Variants in KCNIP4 observed in about 807,000 individuals in gnomAD.
KCNIP4 encodes potassium voltage-gated channel interacting protein 4.
A neutral mutation model predicts 34.0 loss-of-function variants in KCNIP4; 12 were observed. The observed-to-expected ratio is 0.35, with a 90% CI of 0.23 to 0.57. KCNIP4 has a LOEUF of 0.57. Ranked by LOEUF, KCNIP4 falls within the 20% of genes least tolerant of loss-of-function variation. The pLI is 0.83. For synonymous variants in KCNIP4, 124 were observed against 102.2 expected, an observed-to-expected ratio of 1.21 and a Z score of -1.29; for missense variants, 238 against 311.7, an observed-to-expected ratio of 0.76 and a Z score of 1.78.
intron 1 of KCNIP4, among the ~76,000 whole-genome samples, chr4:21,858,897 T>G (rs895633158): frequency 1.3e-5 from 2 of 152,216 alleles, no homozygotes; most frequent in African/African-American, 4.8e-5. Flanking sequence ...AGAGTATTAA[T>G]TGTTTATAGT....
intron 1 of KCNIP4, among the ~76,000 whole-genome samples, chr4:20,901,507 T>C (rs1727150878): frequency 6.6e-6 from 1 of 152,178 alleles, no homozygotes; most frequent in Admixed American, 6.5e-5. Flanking sequence ...ATATTAGTCA[T>C]CTGGAATGCC....
chr4:21,066,615 A>C (rs1744413866), intron 1 of KCNIP4, among the ~76,000 whole-genome samples: 1 of 151,988 alleles, frequency 6.6e-6, no homozygotes, highest in South Asian at 2.1e-4. Context: ...GAGACTTAGC[A>C]TTGGAACTCA....
intron 1 of KCNIP4, among the ~76,000 whole-genome samples, chr4:21,687,394 G>A (rs1271929835): frequency 6.6e-6 from 1 of 151,982 alleles, no homozygotes; most frequent in Non-Finnish European, 1.5e-5. Flanking sequence ...AAATAGGCAG[G>A]AGATGGTGTA....
intron 1 of KCNIP4, among the ~76,000 whole-genome samples, chr4:21,340,301 C>T (rs1322452027): frequency 6.6e-6 from 1 of 152,102 alleles, no homozygotes; most frequent in African/African-American, 2.4e-5. Context: ...TGAATTCCTA[C>T]TCAATGAAAA....
chr4:21,511,348 A>AAG (rs34570282), intron 1 of KCNIP4, among the ~76,000 whole-genome samples: 131,878 of 151,992 alleles, frequency 0.87, 57,376 homozygotes, highest in East Asian at 0.99. Flanking sequence ...TCTTTAAAGC[A>AAG]ATTTTATTTA....
rs1450376539 is a variant in KCNIP4, at chr4:21,436,619, T to C, written c.61+511952A>G. ...CTGTGAACTGAATTCAAAGACTGTC[T>C]CTGCACTTTCTGTCTGTGTAACTTT... On this transcript the variant is annotated intron_variant, in intron 1 of 8. Coordinates refer to ENST00000382152, the MANE Select transcript of KCNIP4 (RefSeq NM_025221.6). Among the ~76,000 whole-genome samples the C allele has an allele frequency of 2.0e-5, 3 of 152,190 alleles. No homozygotes were observed. In the East Asian group the frequency reaches 5.8e-4, roughly 29 times the overall value.
intron 2 of KCNIP4, among the ~76,000 whole-genome samples, chr4:20,876,861 C>T (rs1560535618): frequency 6.6e-6 from 1 of 152,120 alleles, no homozygotes; most frequent in African/African-American, 2.4e-5. Context: ...CGTGAGCCAC[C>T]GCGCCTGGCC....
At chr4:20,830,730 T>C (rs112088851) in intron 3 of KCNIP4, among the ~76,000 whole-genome samples, 2 of 152,292 alleles carry the variant, frequency 1.3e-5, no homozygotes, top group African/African-American at 4.8e-5. Context: ...GTTTGCTTCT[T>C]GAGGGAAAGA....
At chr4:21,386,255 T>A (rs1415671744) in intron 1 of KCNIP4, among the ~76,000 whole-genome samples, 2 of 152,298 alleles carry the variant, frequency 1.3e-5, no homozygotes, top group East Asian at 3.9e-4. Flanking sequence ...AGACAATCAT[T>A]TTCTTTACTA....
chr4:21,137,891 T>TTTTTTTTTTTGG (rs397992493), intron 1 of KCNIP4, among the ~76,000 whole-genome samples: 1 of 147,410 alleles, frequency 6.8e-6, no homozygotes, highest in Admixed American at 6.8e-5. Flanking sequence ...TTTTTTTTTT[T>TTTTTTTTTTTGG]GATGGAGTCT....
chr4:21,428,326 A>G (rs1413549506), intron 1 of KCNIP4, among the ~76,000 whole-genome samples: 2 of 152,214 alleles, frequency 1.3e-5, no homozygotes, highest in South Asian at 4.1e-4. Flanking sequence ...CCAGTAACAC[A>G]ATTGTCCAGT....
chr4:21,107,773 G>C (rs1364704018), intron 1 of KCNIP4, among the ~76,000 whole-genome samples: 1 of 151,380 alleles, frequency 6.6e-6, no homozygotes, highest in Non-Finnish European at 1.5e-5. Flanking sequence ...CTTCCTTCAG[G>C]AGCTCTTTTA....
chr4:21,289,842 C>T (rs544995771), intron 1 of KCNIP4, among the ~76,000 whole-genome samples: 1 of 152,186 alleles, frequency 6.6e-6, no homozygotes, highest in South Asian at 2.1e-4. Context: ...TGAGAATTGC[C>T]AAGCAGCCAC....
intron 3 of KCNIP4, among the ~76,000 whole-genome samples, chr4:20,811,865 T>C (rs1363993751): frequency 6.6e-6 from 1 of 152,114 alleles, no homozygotes; most frequent in Non-Finnish European, 1.5e-5. Flanking sequence ...GAGGCAGAGA[T>C]GGAGAAGTCA....
intron 1 of KCNIP4, among the ~76,000 whole-genome samples, chr4:21,190,039 G>T (rs1334417003): frequency 6.6e-6 from 1 of 152,100 alleles, no homozygotes; most frequent in Non-Finnish European, 1.5e-5. Flanking sequence ...TCAGAAATAT[G>T]AGACTAGAGA....
intron 1 of KCNIP4, among the ~76,000 whole-genome samples, chr4:21,942,433 A>T (rs997903958): frequency 6.6e-6 from 1 of 152,206 alleles, no homozygotes. Context: ...ACACCCAAAG[A>T]TGACATTGAT....
In KCNIP4 at chr4:21,737,024, A is replaced by T. The variant is rs530460367; in HGVS notation, c.61+211547T>A. On this transcript the variant is annotated intron_variant, in intron 1 of 8. Transcript: ENST00000382152. Reference sequence around the variant, plus strand: ...CTAGAACTTAAAGTATAATAATAATAAAAAAAAGAAAGTAAGTTCTAATCA... The same window carrying T: ...CTAGAACTTAAAGTATAATAATAATTAAAAAAAGAAAGTAAGTTCTAATCA... Among the ~76,000 whole-genome samples, 1,054 of 110,152 alleles carry T rather than the reference A, an allele frequency of 9.6e-3. 8 individuals carry two copies. Among genetic ancestry groups the T allele is most frequent in the Non-Finnish European group, 0.018 (745 of 41,290 alleles). 72.3% of individuals were successfully genotyped at this position (110,152 alleles called of 152,430 possible).
chr4:21,907,865 G>GA (rs1182622102), intron 1 of KCNIP4, among the ~76,000 whole-genome samples: 3 of 152,034 alleles, frequency 2.0e-5, no homozygotes, highest in Admixed American at 6.6e-5. Context: ...GTTTATGATA[G>GA]AAAAAATACC....
intron 1 of KCNIP4, among the ~76,000 whole-genome samples, chr4:21,293,548 C>T (rs1763665730): frequency 6.6e-6 from 1 of 152,056 alleles, no homozygotes; most frequent in East Asian, 1.9e-4. Context: ...GTCTAAATGG[C>T]CACAGAGATA....
Sources: allele counts gnomAD v4.1 joint callset (sites outside exome capture counted in the v4.1 genomes callset), GRCh38; gene constraint gnomAD v4.1.1; transcripts MANE v1.5; gene names NCBI Gene and HGNC (gene_info 2026-07-23, HGNC 2026-07-21).